The following JHY variants were observed in gnomAD, a reference collection of about 807,000 sequenced individuals.
The protein encoded by JHY is junctional cadherin complex regulator, also known as jhy protein homolog.
A neutral mutation model predicts 78.0 loss-of-function variants in JHY; 69 were observed. That is an observed-to-expected ratio of 0.88 (90% CI 0.73 to 1.08). The LOEUF is 1.08. Ranked by LOEUF, JHY falls within the 50% of genes least tolerant of loss-of-function variation. The pLI, the probability that JHY is intolerant of heterozygous loss-of-function variation, is 0.00. For missense variants in JHY, 944 were observed against 927.8 expected (o/e 1.02, Z -0.23); for synonymous variants, 368 against 342.6 (o/e 1.07, Z -0.82).
chr11:122,903,935 A>G lies in JHY; in HGVS notation c.355A>G (p.Ile119Val), dbSNP rs200025555. ...DQGANNRQQPIEDKYSDLRYD... is the reference protein window; with the variant it reads ...DQGANNRQQPVEDKYSDLRYD... ...TTCTGCTTTGGGCAGGCAACAACCA[A>G]TAGAAGACAAATATTCAGACCTCCG... Residue 119 changes from isoleucine (I) to valine (V), a missense_variant, in exon 3 of 9, where the codon ATA (isoleucine) becomes GTA (valine). Coordinates refer to ENST00000227349, the MANE Select transcript of JHY (RefSeq NM_024806.4). The G allele has an allele frequency of 8.3e-5, 132 of 1,585,218 alleles. No individual in the cohort carries two copies. Among genetic ancestry groups the G allele is most frequent in the Non-Finnish European group, 7.6e-5 (89 of 1,163,736 alleles).
At chr11:122,958,756 A>G in intron 8 of JHY, 1 of 985,308 alleles carries the variant, frequency 1.0e-6, no homozygotes, top group Non-Finnish European at 1.2e-6. Context: ...GAAAGAAAAA[A>G]ATTTCAACCT....
intron 3 of JHY, among the ~76,000 whole-genome samples, chr11:122,922,689 A>T (rs1447347758): frequency 6.6e-6 from 1 of 151,962 alleles, no homozygotes; most frequent in Non-Finnish European, 1.5e-5. Context: ...AGGTGCCTGT[A>T]GTCCCAGCTA....
intron 2 of JHY, among the ~76,000 whole-genome samples, chr11:122,887,758 T>C (rs1862527655): frequency 6.6e-6 from 1 of 152,082 alleles, no homozygotes; most frequent in African/African-American, 2.4e-5. Flanking sequence ...TGTGGCACAT[T>C]AGGGAGCCCA....
chr11:122,946,949 C>A, intron 6 of JHY, 157 bp downstream of exon 6: 1 of 783,134 alleles, frequency 1.3e-6, no homozygotes, highest in Non-Finnish European at 1.9e-6. Context: ...CCTGCCCCTG[C>A]TACTCCCTGG....
intron 6 of JHY, 92 bp downstream of exon 6, chr11:122,946,884 C>T: frequency 6.9e-7 from 1 of 1,445,352 alleles, no homozygotes; most frequent in Non-Finnish European, 9.3e-7. Context: ...TAGGGATGGT[C>T]ATTACTGAGT....
intron 5 of JHY, among the ~76,000 whole-genome samples, chr11:122,941,515 T>A (rs1591394408): frequency 6.6e-6 from 1 of 152,340 alleles, no homozygotes; most frequent in Middle Eastern, 3.4e-3. Context: ...ACAGTCAGTC[T>A]AAGTAAAGCT....
At chr11:122,925,951 A>G (rs529341578) in intron 4 of JHY, among the ~76,000 whole-genome samples, 4 of 152,134 alleles carry the variant, frequency 2.6e-5, no homozygotes, top group African/African-American at 7.2e-5. Context: ...TGGAAGGCGA[A>G]GGTTGCAGTG....
In JHY at chr11:122,935,875, C is replaced by T. The variant is rs1863743921; in HGVS notation, c.1634+800C>T. ...AAATTATGGTTATGAGGAAATGCTTCTATAGGAAGAAAATAGTAAGGTACA... is the reference window on the plus strand; with the variant it reads ...AAATTATGGTTATGAGGAAATGCTTTTATAGGAAGAAAATAGTAAGGTACA... On this transcript the variant is annotated intron_variant, in intron 5 of 8. Coordinates refer to ENST00000227349, the MANE Select transcript of JHY (RefSeq NM_024806.4). The surrounding 1 kb of genome is among the most constrained non-coding windows in gnomAD (Gnocchi z 4.5). 6.6e-6 allele frequency among the ~76,000 whole-genome samples: 1 copy of T among 152,038 alleles called. No homozygotes were observed. Among genetic ancestry groups the T allele is most frequent in the Non-Finnish European group, 1.5e-5 (1 of 68,002 alleles).
intron 8 of JHY, 87 bp downstream of exon 8, chr11:122,957,578 A>G (rs1306246647): frequency 3.8e-5 from 49 of 1,275,096 alleles, no homozygotes; most frequent in Non-Finnish European, 5.1e-5. Context: ...TTTTTTAATT[A>G]GCCACAGAGT....
chr11:122,899,351 A>G (rs1023799989), intron 2 of JHY, among the ~76,000 whole-genome samples: 2 of 152,240 alleles, frequency 1.3e-5, no homozygotes, highest in African/African-American at 4.8e-5. Context: ...TATTTACTTG[A>G]AGACAATAAT....
rs1049696816 is a variant in JHY at position 122,917,319 on chromosome 11, G to A, written c.865-7578G>A. ...ATCCAGTGAGTTAGTTAAGGAGAAG[G>A]TGGATAGTGCTGTAGTTGTATGTGG... is the stretch of plus-strand genomic sequence containing the variant. On this transcript the variant is annotated intron_variant, in intron 3 of 8. Transcript: ENST00000227349. This position sits in a 1 kb window ranked among gnomAD's most constrained non-coding sequence, Gnocchi z 4.1. 6.6e-6 allele frequency among the ~76,000 whole-genome samples: 1 copy of A among 152,204 alleles called. No individual in the cohort carries two copies. The highest frequency in any genetic ancestry group is 2.4e-5 in the African/African-American group (1 of 41,448).
At chr11:122,946,983 A>G in intron 6 of JHY, 191 bp downstream of exon 6, 1 of 574,694 alleles carries the variant, frequency 1.7e-6, no homozygotes, top group Non-Finnish European at 2.8e-6. Flanking sequence ...TTCTTAATAG[A>G]AGTTGTTGCT....
intron 3 of JHY, among the ~76,000 whole-genome samples, chr11:122,906,220 G>A (rs1267046772): frequency 6.6e-6 from 1 of 152,038 alleles, no homozygotes; most frequent in Non-Finnish European, 1.5e-5. Context: ...TCAGGGTCTG[G>A]CCTTTCACCC....
intron 2 of JHY, among the ~76,000 whole-genome samples, chr11:122,903,359 A>C (rs1342551111): frequency 6.6e-6 from 1 of 152,228 alleles, no homozygotes; most frequent in Non-Finnish European, 1.5e-5. Context: ...CTTAGAAATT[A>C]ATTGTCCCCC....
rs760489518 is a variant in JHY, at chr11:122,904,080, A to T, written c.500A>T (p.Gln167Leu). The change falls in exon 3 of 9, where the codon CAG (glutamine) becomes CTG (leucine). Residue 167 changes from glutamine to leucine, a missense_variant. Coordinates refer to ENST00000227349, the MANE Select transcript of JHY (RefSeq NM_024806.4). ...CCTTTGGCTCCCCTCTACCCTTCCC[A>T]GGAGACGTCAATGGAACTCTCCGGG... is the stretch of plus-strand genomic sequence containing the variant. ...NLPLAPLYPS[Q>L]ETSMELSGGK... 2 of 1,614,166 alleles carry T rather than the reference A, an allele frequency of 1.2e-6. No homozygotes were observed. Among genetic ancestry groups the T allele is most frequent in the Non-Finnish European group, 1.7e-6 (2 of 1,180,030 alleles).
intron 1 of JHY, among the ~76,000 whole-genome samples, 180 bp from the exon 2 acceptor site, chr11:122,885,581 T>C (rs1862477848): frequency 6.6e-6 from 1 of 152,216 alleles, no homozygotes; most frequent in Non-Finnish European, 1.5e-5. Context: ...ATCAGATGTG[T>C]TTCTGCAGAG....
intron 5 of JHY, among the ~76,000 whole-genome samples, chr11:122,936,046 A>G (rs1156592244): frequency 6.6e-6 from 1 of 152,206 alleles, no homozygotes; most frequent in East Asian, 1.9e-4. Flanking sequence ...TGGGATTTTA[A>G]AAATTTATTC....
intron 6 of JHY, among the ~76,000 whole-genome samples, chr11:122,948,161 A>G (rs1303880003): frequency 2.6e-5 from 4 of 152,130 alleles, no homozygotes; most frequent in Admixed American, 1.3e-4. Context: ...AATAATTTCT[A>G]GGCCGGGCGT....
At chr11:122,925,123 T>C (rs894186413) in intron 4 of JHY, 113 bp downstream of exon 4, 9 of 829,444 alleles carry the variant, frequency 1.1e-5, no homozygotes, top group Middle Eastern at 3.7e-4. Flanking sequence ...CTGAGAATAA[T>C]TACCCACTTT....
Sources: allele counts gnomAD v4.1 joint callset (sites outside exome capture counted in the v4.1 genomes callset), GRCh38; gene constraint gnomAD v4.1.1; non-coding constraint Gnocchi (gnomAD v3.1); transcripts MANE v1.5; gene names NCBI Gene and HGNC (gene_info 2026-07-23, HGNC 2026-07-21).